The following GRM8 variants were observed in gnomAD, a reference collection of about 807,000 sequenced individuals.
The protein encoded by GRM8 is metabotropic glutamate receptor 8.
In GRM8, 47 loss-of-function variants were observed where a neutral mutation model predicts 87.2. The observed-to-expected ratio is 0.54, with a 90% confidence interval of 0.43 to 0.69. The LOEUF is 0.69. Ranked by LOEUF, GRM8 falls within the 30% of genes least tolerant of loss-of-function variation. The pLI is 0.00. For synonymous variants in GRM8, 396 were observed against 404.5 expected, an observed-to-expected ratio of 0.98 and a Z score of 0.25; for missense variants, 1,019 against 1,139.2, an observed-to-expected ratio of 0.89 and a Z score of 1.52.
chr7:126,986,995 G>A (rs1466877331), intron 3 of GRM8, among the ~76,000 whole-genome samples: 6 of 152,174 alleles, frequency 3.9e-5, no homozygotes, highest in South Asian at 2.1e-4. Flanking sequence ...AAAACTGCGC[G>A]TAAAAGAAGT....
At chr7:126,609,236 A>C (rs1254535476) in intron 8 of GRM8, 126 bp downstream of exon 8, 4 of 606,536 alleles carry the variant, frequency 6.6e-6, no homozygotes, top group Non-Finnish European at 1.1e-5. Flanking sequence ...AGAGAGAATC[A>C]AGTCATACAT....
intron 8 of GRM8, among the ~76,000 whole-genome samples, chr7:126,577,638 T>C (rs1795234716): frequency 6.6e-6 from 1 of 151,992 alleles, no homozygotes; most frequent in Non-Finnish European, 1.5e-5. Context: ...CTCATGGAAC[T>C]ATAACATAAT....
intron 6 of GRM8, among the ~76,000 whole-genome samples, chr7:126,817,390 T>A (rs1044812106): frequency 2.3e-4 from 35 of 152,148 alleles, no homozygotes; most frequent in African/African-American, 8.4e-4. Flanking sequence ...GGAATTACAA[T>A]AAAATGATAC....
At chr7:126,873,938 G>C (rs1799316653) in intron 6 of GRM8, among the ~76,000 whole-genome samples, 1 of 151,990 alleles carries the variant, frequency 6.6e-6, no homozygotes, top group African/African-American at 2.4e-5. Flanking sequence ...AAATATTTTA[G>C]AATTAGTAAG....
chr7:126,742,370 G>T (rs1032378285), intron 7 of GRM8, among the ~76,000 whole-genome samples: 6 of 152,054 alleles, frequency 3.9e-5, no homozygotes, highest in Admixed American at 1.3e-4. Context: ...CAAGGGAAAA[G>T]GCAGCTTGAA....
intron 2 of GRM8, among the ~76,000 whole-genome samples, chr7:127,119,506 ACACACACACATG>A (rs1432149704): frequency 7.2e-5 from 11 of 151,968 alleles, no homozygotes; most frequent in African/African-American, 2.7e-4. Flanking sequence ...TCTCTCACAC[ACACACACACATG>A]CACACACACA....
At chr7:127,203,348 A>G (rs1307390556) in intron 2 of GRM8, among the ~76,000 whole-genome samples, 1 of 152,184 alleles carries the variant, frequency 6.6e-6, no homozygotes, top group Non-Finnish European at 1.5e-5. Flanking sequence ...AACAGATTCA[A>G]TCACACTCAA....
chr7:127,115,307 T>C (rs1826636522), intron 2 of GRM8, among the ~76,000 whole-genome samples: 2 of 152,168 alleles, frequency 1.3e-5, no homozygotes, highest in Admixed American at 1.3e-4. Flanking sequence ...TCACTGGACA[T>C]GTGAACTAAA....
At chr7:127,012,840 T>C (rs1007059538) in intron 3 of GRM8, among the ~76,000 whole-genome samples, 3 of 152,178 alleles carry the variant, frequency 2.0e-5, no homozygotes, top group Non-Finnish European at 2.9e-5. Context: ...AAAGAGAAGA[T>C]TTCCATTGTT....
At chr7:126,617,927 TATC>T in intron 7 of GRM8, among the ~76,000 whole-genome samples, 1 of 151,686 alleles carries the variant, frequency 6.6e-6, no homozygotes. Context: ...GGGAAGAAAA[TATC>T]ATGAAAATGG....
intron 7 of GRM8, among the ~76,000 whole-genome samples, chr7:126,646,298 GGAAGGAAA>G (rs1364897408): frequency 6.2e-5 from 9 of 146,036 alleles, no homozygotes; most frequent in African/African-American, 2.2e-4. Context: ...AAGGAAGGAA[GGAAGGAAA>G]GAAGGAAGGA....
intron 8 of GRM8, among the ~76,000 whole-genome samples, chr7:126,541,027 C>A (rs564289492): frequency 1.4e-3 from 217 of 152,280 alleles, no homozygotes; most frequent in African/African-American, 5.1e-3. Flanking sequence ...ATAGTCCATG[C>A]CCATTTTGTT....
chr7:126,923,233 A>G (rs1437639931), intron 3 of GRM8, among the ~76,000 whole-genome samples: 1 of 152,156 alleles, frequency 6.6e-6, no homozygotes, highest in Non-Finnish European at 1.5e-5. Flanking sequence ...TGCTTGTTTA[A>G]TATTTTTAGG....
chr7:127,167,671 T>C (rs562823492), intron 2 of GRM8, among the ~76,000 whole-genome samples: 47 of 152,302 alleles, frequency 3.1e-4, no homozygotes, highest in African/African-American at 1.1e-3. Context: ...ACTGTGCCCA[T>C]ATAAAATGGC....
At chr7:127,051,721 C>CA (rs199728987) in intron 3 of GRM8, among the ~76,000 whole-genome samples, 775 of 21,388 alleles carry the variant, frequency 0.036, 6 homozygotes, top group Middle Eastern at 0.17. Context: ...AGAGAAATCT[C>CA]AAAAACATAA....
At chr7:127,245,629 C>G (rs1357478806) in intron 1 of GRM8, among the ~76,000 whole-genome samples, 3 of 152,158 alleles carry the variant, frequency 2.0e-5, no homozygotes. Context: ...TTTGGCATCT[C>G]ATAGCTTTGT....
Position 126,714,763 on chromosome 7 carries a change from G to A in GRM8, c.1357+55102C>T, listed in dbSNP as rs185610624. ...AGTTAACTACTTATAGCCTGCTGTT[G>A]ACCAGAAGCCTTACTGGTAACATAT... On this transcript the variant is annotated intron_variant, in intron 7 of 10. Transcript: ENST00000339582. 9.9e-5 allele frequency among the ~76,000 whole-genome samples: 15 copies of A among 152,070 alleles called. No homozygotes were observed. In the East Asian group the frequency reaches 2.9e-3, roughly 29 times the overall value.
rs376259760 is a variant in GRM8 at position 126,522,929 on chromosome 7, T to C, written c.2430+10023A>G. ...AAATCTGATGACTTCTTATTCATTT[T>C]TGCATTTTTCTGAATACCAAACAAA... On this transcript the variant is annotated intron_variant, in intron 9 of 10. Transcript: ENST00000339582. Among the ~76,000 whole-genome samples, 227 of 152,348 alleles carry C rather than the reference T, an allele frequency of 1.5e-3. 2 individuals carry two copies. The highest frequency in any genetic ancestry group is 5.2e-3 in the African/African-American group (215 of 41,586).
chr7:127,062,825 G>C (rs999909611), intron 3 of GRM8, among the ~76,000 whole-genome samples: 7 of 152,116 alleles, frequency 4.6e-5, no homozygotes, highest in Admixed American at 3.3e-4. Context: ...GTTTCTGATG[G>C]TTGCTTTTAT....
Sources: allele counts gnomAD v4.1 joint callset (sites outside exome capture counted in the v4.1 genomes callset), GRCh38; gene constraint gnomAD v4.1.1; transcripts MANE v1.5; gene names NCBI Gene and HGNC (gene_info 2026-07-23, HGNC 2026-07-21).